Variants in RARB observed in about 807,000 individuals in gnomAD.
RARB encodes the protein HBV-activated protein.
Under a neutral mutation model 51.9 loss-of-function variants are expected in RARB, and 17 were observed. The ratio of observed to expected loss-of-function variants is 0.33; its 90% CI spans 0.22 to 0.49. RARB has a LOEUF of 0.49. RARB is among the 20% of genes least tolerant of loss of function. The probability of loss-of-function intolerance (pLI) is 0.99; values close to 1 mark genes in which losing one functional copy is unlikely to be tolerated. For missense variants in RARB, 369 were observed against 550.8 expected (o/e 0.67, Z 3.30); for synonymous variants, 215 against 195.4 (o/e 1.10, Z -0.84).
At chr3:25,072,993 C>T (rs931962298) in intron 3 of RARB, among the ~76,000 whole-genome samples, 4 of 152,072 alleles carry the variant, frequency 2.6e-5, no homozygotes, top group Non-Finnish European at 5.9e-5. Context: ...CCACCGCGCC[C>T]GGCCGGAGGG....
chr3:25,531,388 GTAGA>G (rs142863604), intron 3 of RARB, among the ~76,000 whole-genome samples: 3,973 of 145,420 alleles, frequency 0.027, 59 homozygotes, highest in Non-Finnish European at 0.042. Context: ...AGATAGATAG[GTAGA>G]TAGATAGATA....
intron 3 of RARB, among the ~76,000 whole-genome samples, chr3:25,566,035 C>T (rs561750939): frequency 6.6e-6 from 1 of 152,168 alleles, no homozygotes; most frequent in African/African-American, 2.4e-5. Context: ...GCCCCAGGAG[C>T]CACTGACCAC....
At chr3:24,867,037 A>T (rs1441377075) in intron 2 of RARB, among the ~76,000 whole-genome samples, 1 of 152,064 alleles carries the variant, frequency 6.6e-6, no homozygotes, top group Non-Finnish European at 1.5e-5. Context: ...TATGCAAAAA[A>T]CGTGAAAAGG....
At chr3:25,261,255 AATTATTC>A (rs1363112383) in intron 5 of RARB, among the ~76,000 whole-genome samples, 1 of 152,078 alleles carries the variant, frequency 6.6e-6, no homozygotes, top group East Asian at 1.9e-4. Flanking sequence ...CACATCATCT[AATTATTC>A]TCTTTCTGGA....
chr3:25,010,890 C>T (rs181511554), intron 2 of RARB, among the ~76,000 whole-genome samples: 1 of 152,198 alleles, frequency 6.6e-6, no homozygotes, highest in Admixed American at 6.5e-5. Flanking sequence ...TATTATCTTT[C>T]TACCAATATC....
chr3:24,912,403 G>T (rs1362190913), intron 2 of RARB, among the ~76,000 whole-genome samples: 1 of 151,244 alleles, frequency 6.6e-6, no homozygotes, highest in African/African-American at 2.4e-5. Context: ...TTAATACAAT[G>T]TCTGGTACAC....
At chr3:25,239,015 G>T (rs1702369079) in intron 5 of RARB, among the ~76,000 whole-genome samples, 1 of 152,128 alleles carries the variant, frequency 6.6e-6, no homozygotes, top group South Asian at 2.1e-4. Flanking sequence ...GGGGTAGGAT[G>T]ATAGCTCATT....
At chr3:25,006,416 C>T (rs1455802796) in intron 2 of RARB, among the ~76,000 whole-genome samples, 25 of 152,072 alleles carry the variant, frequency 1.6e-4, no homozygotes, top group South Asian at 6.2e-4. Context: ...ACAGTTGTGA[C>T]GTTGGCTTTC....
In RARB at chr3:25,031,541, A is replaced by G. The variant is rs142368896; in HGVS notation, c.-379-28584A>G. The stretch of plus-strand genomic sequence containing the variant: ...GGTGGGTGGTGGGTAGGAAGAACAT[A>G]ACGTGACAAAGACAATGCCTTGAAA... On this transcript the variant is annotated intron_variant, in intron 2 of 11. Transcript: ENST00000383772. Among the ~76,000 whole-genome samples, 9 of 152,284 alleles carry G rather than the reference A, an allele frequency of 5.9e-5. No individual in the cohort carries two copies. In the East Asian group the frequency reaches 1.7e-3, roughly 29 times the overall value.
intron 4 of RARB, among the ~76,000 whole-genome samples, chr3:25,134,946 A>G (rs1442319775): frequency 1.3e-5 from 2 of 151,990 alleles, no homozygotes; most frequent in Non-Finnish European, 2.9e-5. Context: ...TTACTAATAT[A>G]TGAAGATTAA....
intron 2 of RARB, among the ~76,000 whole-genome samples, chr3:24,942,592 A>C (rs1034298898): frequency 6.6e-6 from 1 of 152,192 alleles, no homozygotes; most frequent in Non-Finnish European, 1.5e-5. Context: ...TGCCTTTACT[A>C]CCTAAGTGAC....
At chr3:24,994,346 G>T (rs1404208529) in intron 2 of RARB, among the ~76,000 whole-genome samples, 3 of 151,618 alleles carry the variant, frequency 2.0e-5, no homozygotes, top group Non-Finnish European at 4.4e-5. Context: ...TTAAAAATTG[G>T]CTGTATTTTT....
intron 3 of RARB, among the ~76,000 whole-genome samples, chr3:25,542,819 C>T (rs1407592373): frequency 6.6e-6 from 1 of 152,214 alleles, no homozygotes; most frequent in Non-Finnish European, 1.5e-5. Flanking sequence ...CAAGTCCTTA[C>T]ATCCATTTTC....
At chr3:25,586,147 T>A (rs1701377136) in intron 5 of RARB, among the ~76,000 whole-genome samples, 2 of 152,230 alleles carry the variant, frequency 1.3e-5, no homozygotes, top group South Asian at 4.2e-4. Flanking sequence ...TCAGAGCCTT[T>A]TTACATCCCA....
At chr3:25,384,336 CTTTA>C (rs892869067) in intron 5 of RARB, among the ~76,000 whole-genome samples, 16 of 152,230 alleles carry the variant, frequency 1.1e-4, no homozygotes, top group Admixed American at 7.8e-4. Flanking sequence ...TAAGAGCAAG[CTTTA>C]TTTATTGTTG....
In RARB at chr3:24,830,420, C is replaced by CGTGTGTGT. The variant is rs59434163; in HGVS notation, c.-459+1032_-459+1039dup. Among the ~76,000 whole-genome samples, 1,040 of 121,482 alleles carry CGTGTGTGT rather than the reference C, an allele frequency of 8.6e-3. 14 individuals are homozygous for CGTGTGTGT. Among genetic ancestry groups the CGTGTGTGT allele is most frequent in the African/African-American group, 0.023 (680 of 30,208 alleles). 79.7% of individuals were successfully genotyped at this position (121,482 alleles called of 152,430 possible). A position where few individuals can be genotyped will look rare whatever the true frequency, so the allele number is the denominator to read the frequency against. On this transcript the variant is annotated intron_variant, in intron 1 of 11. Coordinates refer to the RARB transcript ENST00000383772. ...TTGAAAGTGAACAGGTGACAGAAGACGTGTGTGTGTGTGTGTGTGTGTACG... is the reference window on the plus strand; with the variant it reads ...TTGAAAGTGAACAGGTGACAGAAGACGTGTGTGTGTGTGTGTGTGTGTGTGTGTGTACG...
At chr3:25,155,477 T>A (rs926415557) in intron 4 of RARB, among the ~76,000 whole-genome samples, 21 of 152,200 alleles carry the variant, frequency 1.4e-4, no homozygotes, top group African/African-American at 4.6e-4. Flanking sequence ...TTGAATAAAC[T>A]ATCCGTTTAT....
At chr3:25,066,976 C>A (rs1203869247) in intron 3 of RARB, among the ~76,000 whole-genome samples, 1 of 152,100 alleles carries the variant, frequency 6.6e-6, no homozygotes, top group African/African-American at 2.4e-5. Flanking sequence ...TGCCTCAGTT[C>A]CAGTCAGCAG....
rs996364492 is a variant in RARB at position 25,142,595 on chromosome 3, T to C, written c.-280+10387T>C. Among the ~76,000 whole-genome samples the C allele has an allele frequency of 5.2e-4, 79 of 152,290 alleles. 1 individual carries two copies. Among genetic ancestry groups the C allele is most frequent in the Admixed American group, 2.2e-3 (34 of 15,298 alleles). On this transcript the variant is annotated intron_variant, in intron 4 of 11. Transcript: ENST00000383772. ...CAGGAAATCACTGCCTGTATTTTTT[T>C]TTTTTTTGGTAAATATCCCATCTGT...
Sources: gnomAD v4.1 joint callset for allele counts (sites outside exome capture counted in the v4.1 genomes callset) on GRCh38, gnomAD v4.1.1 for gene constraint, MANE v1.5 for transcripts, NCBI Gene and HGNC (gene_info 2026-07-23, HGNC 2026-07-21) for gene names.